Variants in GPC5 observed in about 807,000 individuals in gnomAD.
GPC5 encodes the protein glypican 5, also known as glypican-5.
Under a neutral mutation model 53.9 loss-of-function variants are expected in GPC5, and 47 were observed. That is an observed-to-expected ratio of 0.87 (90% CI 0.69 to 1.11). GPC5 has a LOEUF of 1.11. Ranked by LOEUF, GPC5 falls within the 50% of genes most tolerant of loss-of-function variation. GPC5 has a pLI of 0.00. For synonymous variants in GPC5, 286 were observed against 263.3 expected, an observed-to-expected ratio of 1.09 and a Z score of -0.84; for missense variants, 748 against 713.1, an observed-to-expected ratio of 1.05 and a Z score of -0.56.
At chr13:91,889,004 C>T (rs1382218664) in intron 5 of GPC5, among the ~76,000 whole-genome samples, 1 of 152,194 alleles carries the variant, frequency 6.6e-6, no homozygotes, top group Non-Finnish European at 1.5e-5. Context: ...TTATGAATTG[C>T]TAGACTGGCA....
intron 7 of GPC5, among the ~76,000 whole-genome samples, chr13:92,155,946 T>C (rs1256158644): frequency 6.6e-6 from 1 of 152,208 alleles, no homozygotes; most frequent in East Asian, 1.9e-4. Flanking sequence ...GCAATATTTA[T>C]GGTGATAAAT....
intron 5 of GPC5, among the ~76,000 whole-genome samples, chr13:91,767,649 A>G (rs1207791210): frequency 6.6e-6 from 1 of 152,202 alleles, no homozygotes; most frequent in Non-Finnish European, 1.5e-5. Context: ...AATGAGGTTA[A>G]ACATCCGCTT....
chr13:92,066,443 A>G (rs1447765702), intron 6 of GPC5, among the ~76,000 whole-genome samples: 1 of 151,412 alleles, frequency 6.6e-6, no homozygotes, highest in Non-Finnish European at 1.5e-5. Flanking sequence ...GAAAAAAAAA[A>G]AAAGAAAAAA....
chr13:92,771,170 T>A (rs778540200), intron 7 of GPC5, among the ~76,000 whole-genome samples: 4 of 152,204 alleles, frequency 2.6e-5, no homozygotes, highest in Middle Eastern at 3.4e-3. Context: ...TCTGTCCCTT[T>A]ACTTCACCTT....
chr13:91,572,838 A>G (rs1365089598), intron 2 of GPC5, among the ~76,000 whole-genome samples: 1 of 152,194 alleles, frequency 6.6e-6, no homozygotes, highest in Non-Finnish European at 1.5e-5. Context: ...AAGTTTAAAT[A>G]TTCAACCTAT....
chr13:91,611,781 A>T (rs1275543746), intron 2 of GPC5, among the ~76,000 whole-genome samples: 3 of 152,084 alleles, frequency 2.0e-5, no homozygotes, highest in African/African-American at 7.2e-5. Flanking sequence ...GGCAATCCTG[A>T]CACCCATCAC....
intron 2 of GPC5, among the ~76,000 whole-genome samples, chr13:91,494,051 A>T (rs1235475145): frequency 1.3e-5 from 2 of 148,604 alleles, no homozygotes; most frequent in South Asian, 2.1e-4. Context: ...TTTTTTTTTT[A>T]TTTTTTATTT....
At chr13:91,747,640 G>GT (rs1566656857) in intron 4 of GPC5, among the ~76,000 whole-genome samples, 16 of 66,132 alleles carry the variant, frequency 2.4e-4, no homozygotes, top group South Asian at 5.6e-4. Context: ...CGATGTATCT[G>GT]GTTTTTTTTT....
intron 7 of GPC5, among the ~76,000 whole-genome samples, chr13:92,164,975 C>T (rs888086412): frequency 6.6e-6 from 1 of 152,258 alleles, no homozygotes; most frequent in African/African-American, 2.4e-5. Context: ...CTTTTAGCCA[C>T]AGCTGGGAGA....
chr13:92,862,330 C>A (rs942169438), intron 7 of GPC5, among the ~76,000 whole-genome samples: 2 of 152,014 alleles, frequency 1.3e-5, no homozygotes, highest in African/African-American at 2.4e-5. Context: ...TAAAAGTGTT[C>A]TTTGTAATAG....
chr13:91,574,611 A>G (rs1176527480), intron 2 of GPC5, among the ~76,000 whole-genome samples: 1 of 152,124 alleles, frequency 6.6e-6, no homozygotes, highest in African/African-American at 2.4e-5. Context: ...TTAGAAAGTT[A>G]TAGAGTTGCT....
At chr13:92,596,000 T>C (rs1883868575) in intron 7 of GPC5, among the ~76,000 whole-genome samples, 1 of 152,184 alleles carries the variant, frequency 6.6e-6, no homozygotes, top group African/African-American at 2.4e-5. Context: ...ACTGCTCTTA[T>C]TTGCTATTCT....
intron 7 of GPC5, among the ~76,000 whole-genome samples, chr13:92,186,562 A>ACCATGGTGAACTCAGTGCCTGGCC (rs2042185297): frequency 6.6e-6 from 1 of 151,806 alleles, no homozygotes; most frequent in Non-Finnish European, 1.5e-5. Flanking sequence ...TAAGGTTTTA[A>ACCATGGTGAACTCAGTGCCTGGCC]AATATATTTA....
intron 7 of GPC5, among the ~76,000 whole-genome samples, chr13:92,379,665 T>G (rs537348218): frequency 1.3e-5 from 2 of 152,010 alleles, no homozygotes; most frequent in South Asian, 2.1e-4. Context: ...CTGTGCCCCC[T>G]GCATATTAGT....
chr13:92,226,631 CTT>C (rs1384693388), intron 7 of GPC5, among the ~76,000 whole-genome samples: 1 of 143,624 alleles, frequency 7.0e-6, no homozygotes. Context: ...TTCTTTTTTT[CTT>C]TTTTTTTTTG....
chr13:92,745,837 A>G (rs2139318001), intron 7 of GPC5, among the ~76,000 whole-genome samples: 1 of 152,278 alleles, frequency 6.6e-6, no homozygotes, highest in African/African-American at 2.4e-5. Flanking sequence ...GTAAATGTCA[A>G]GTTAAACATA....
At chr13:92,721,762 C>T (rs1323033669) in intron 7 of GPC5, 8 of 151,936 alleles carry the variant, frequency 5.3e-5, no homozygotes, top group Non-Finnish European at 1.2e-4. Context: ...ATGTCTTATT[C>T]ACACATGCCA....
At chr13:92,294,893 G>C (rs2139188971) in intron 7 of GPC5, among the ~76,000 whole-genome samples, 1 of 133,522 alleles carries the variant, frequency 7.5e-6, no homozygotes, top group South Asian at 2.5e-4. Flanking sequence ...GCAATGGCAT[G>C]ATCTTGGCTC....
intron 7 of GPC5, among the ~76,000 whole-genome samples, chr13:92,612,803 A>G (rs1479084431): frequency 6.6e-6 from 1 of 151,952 alleles, no homozygotes; most frequent in African/African-American, 2.4e-5. Context: ...AATGATACTC[A>G]AATAAGATAT....
Sources: gnomAD v4.1 joint callset for allele counts (sites outside exome capture counted in the v4.1 genomes callset) on GRCh38, gnomAD v4.1.1 for gene constraint, MANE v1.5 for transcripts, NCBI Gene and HGNC (gene_info 2026-07-23, HGNC 2026-07-21) for gene names.